LRFN2: variants seen among roughly 807,000 people sequenced by gnomAD.
The protein encoded by LRFN2 is leucine rich repeat and fibronectin type III domain containing 2, also known as leucine-rich repeat and fibronectin type-III domain-containing protein 2.
A neutral mutation model predicts 37.3 loss-of-function variants in LRFN2; 18 were observed. The observed-to-expected ratio is 0.48, with a 90% CI of 0.33 to 0.72. LRFN2 has a LOEUF of 0.72. Ranked by LOEUF, LRFN2 falls within the 30% of genes least tolerant of loss-of-function variation. The pLI, the probability that LRFN2 is intolerant of heterozygous loss-of-function variation, is 0.02. For missense variants in LRFN2, 1,006 were observed against 1,060.7 expected, an observed-to-expected ratio of 0.95 and a Z score of 0.72; for synonymous variants, 556 against 466.6, an observed-to-expected ratio of 1.19 and a Z score of -2.47.
chr6:40,467,991 G>A (rs1486677743), intron 1 of LRFN2, among the ~76,000 whole-genome samples: 1 of 152,048 alleles, frequency 6.6e-6, no homozygotes, highest in Non-Finnish European at 1.5e-5. Flanking sequence ...TATCTGACAG[G>A]ACATACTCAT....
intron 2 of LRFN2, among the ~76,000 whole-genome samples, chr6:40,395,471 C>T (rs564966263): frequency 7.9e-5 from 12 of 152,326 alleles, no homozygotes; most frequent in African/African-American, 2.2e-4. Context: ...GGATGCCAGC[C>T]TGCTAGGCCA....
At position 40,399,409 on chromosome 6, in the gene LRFN2, CTCTT is replaced by C. The variant is rs1256175044; in HGVS notation, c.1401-6501_1401-6498del. Among the ~76,000 whole-genome samples the C allele has an allele frequency of 3.4e-5, 5 of 148,724 alleles. 1 individual carries two copies. Among genetic ancestry groups the C allele is most frequent in the Non-Finnish European group, 6.0e-5 (4 of 67,018 alleles). On this transcript the variant is annotated intron_variant, in intron 2 of 2. Coordinates refer to ENST00000338305, the MANE Select transcript of LRFN2 (RefSeq NM_020737.3). ...TGAAATCCAAACCCTGTACTGAATT[CTCTT>C]TCTTTTTCTTTTCTTTTTTTTTTTC... is the stretch of plus-strand genomic sequence containing the variant.
chr6:40,515,735 TA>T (rs1228173894), intron 1 of LRFN2, among the ~76,000 whole-genome samples: 1 of 151,118 alleles, frequency 6.6e-6, no homozygotes, highest in East Asian at 1.9e-4. Flanking sequence ...CTAAAAAATA[TA>T]AAAAAAATTA....
chr6:40,562,061 A>T (rs1202311888), intron 1 of LRFN2, among the ~76,000 whole-genome samples: 1 of 152,240 alleles, frequency 6.6e-6, no homozygotes, highest in Non-Finnish European at 1.5e-5. Context: ...AGAGCATAGA[A>T]TCTGTTCTCT....
intron 1 of LRFN2, among the ~76,000 whole-genome samples, chr6:40,454,549 C>G (rs1476616961): frequency 2.0e-5 from 3 of 151,978 alleles, no homozygotes; most frequent in African/African-American, 7.3e-5. Flanking sequence ...GGTCATTGTA[C>G]CCTCAAATCA....
chr6:40,543,621 T>A (rs1766597218), intron 1 of LRFN2, among the ~76,000 whole-genome samples: 1 of 152,234 alleles, frequency 6.6e-6, no homozygotes, highest in African/African-American at 2.4e-5. Flanking sequence ...GAAGCCTAGC[T>A]AGAATGTGGC....
intron 1 of LRFN2, among the ~76,000 whole-genome samples, chr6:40,447,796 G>T (rs62395891): frequency 0.33 from 50,820 of 151,848 alleles, 8,845 homozygotes; most frequent in South Asian, 0.41. Context: ...TACCTAGTAG[G>T]TGGTCCACCT....
intron 1 of LRFN2, among the ~76,000 whole-genome samples, chr6:40,435,093 A>C (rs1255122436): frequency 8.1e-6 from 1 of 123,914 alleles, no homozygotes; most frequent in Non-Finnish European, 1.8e-5. Flanking sequence ...AGAGAGAGAC[A>C]GAGAGATAAT....
intron 1 of LRFN2, among the ~76,000 whole-genome samples, chr6:40,586,485 T>C (rs546344397): frequency 6.6e-6 from 1 of 152,226 alleles, no homozygotes; most frequent in East Asian, 1.9e-4. Context: ...GCACTTGGCT[T>C]TACCCCACCC....
rs754528976 is a variant in LRFN2 at position 40,392,415 on chromosome 6, G to A, written c.1898C>T (p.Ala633Val). ...SSSSLGSGEA[A>V]GLGRAPWRIP... ...CCTCCAGGGGGCCCGTCCCAGCCCC[G>A]CAGCCTCCCCACTGCCCAGGGAGCT... is the stretch of plus-strand genomic sequence containing the variant. Residue 633 changes from alanine to valine, a missense_variant, in exon 3 of 3, where the codon GCG (alanine) becomes GTG (valine). Ala to Val is a moderately conservative substitution (Grantham distance 64). Transcript: ENST00000338305. This position sits in a 1 kb window ranked among gnomAD's most constrained non-coding sequence, Gnocchi z 4.7. 3.8e-6 allele frequency: 6 copies of A among 1,568,268 alleles called. No homozygotes were observed. The highest frequency in any genetic ancestry group is 1.9e-5 in the Admixed American group (1 of 53,458).
chr6:40,406,227 G>A lies in LRFN2; in HGVS notation c.1401-13315C>T, dbSNP rs190754189. Among the ~76,000 whole-genome samples the A allele has an allele frequency of 3.1e-4, 47 of 152,318 alleles. 1 individual carries two copies. The highest frequency in any genetic ancestry group is 2.6e-3 in the Admixed American group (40 of 15,308). ...GGGTTGCTACGAGGATGAAATGAGC[G>A]AATCTCTGTGATTTGAACAGTGCCT... On this transcript the variant is annotated intron_variant, in intron 2 of 2. Transcript: ENST00000338305.
At chr6:40,460,735 T>C (rs976443972) in intron 1 of LRFN2, among the ~76,000 whole-genome samples, 1 of 152,168 alleles carries the variant, frequency 6.6e-6, no homozygotes, top group African/African-American at 2.4e-5. Flanking sequence ...GCCCCCTCCA[T>C]AGCCCCTGGG....
At chr6:40,480,778 A>G (rs1164167846) in intron 1 of LRFN2, among the ~76,000 whole-genome samples, 1 of 152,176 alleles carries the variant, frequency 6.6e-6, no homozygotes, top group African/African-American at 2.4e-5. Context: ...ACTTATCAAT[A>G]TTACATGTCA....
chr6:40,421,666 A>G (rs1401296565), intron 2 of LRFN2, among the ~76,000 whole-genome samples: 1 of 152,132 alleles, frequency 6.6e-6, no homozygotes, highest in African/African-American at 2.4e-5. Context: ...AGTAATTCCA[A>G]AAGAGAGGAG....
chr6:40,468,181 G>T (rs532923010), intron 1 of LRFN2, among the ~76,000 whole-genome samples: 1 of 152,036 alleles, frequency 6.6e-6, no homozygotes, highest in Non-Finnish European at 1.5e-5. Context: ...TGAACTCCAG[G>T]AATTCCCAGG....
chr6:40,559,065 G>T (rs1766943554), intron 1 of LRFN2, among the ~76,000 whole-genome samples: 1 of 152,074 alleles, frequency 6.6e-6, no homozygotes, highest in Non-Finnish European at 1.5e-5. Flanking sequence ...GAGGGGGCAT[G>T]GGGAAGAGCA....
chr6:40,395,853 G>GT (rs1762604140), intron 2 of LRFN2, among the ~76,000 whole-genome samples: 1 of 152,166 alleles, frequency 6.6e-6, no homozygotes, highest in South Asian at 2.1e-4. Flanking sequence ...CCACCATTTT[G>GT]TTGGGCCACA....
intron 1 of LRFN2, among the ~76,000 whole-genome samples, chr6:40,472,872 T>C (rs1426651216): frequency 1.3e-5 from 2 of 152,162 alleles, no homozygotes; most frequent in Non-Finnish European, 2.9e-5. Context: ...TGTTTCTCCT[T>C]GGCTTGGAAC....
At chr6:40,550,818 T>C (rs1766762881) in intron 1 of LRFN2, among the ~76,000 whole-genome samples, 1 of 152,176 alleles carries the variant, frequency 6.6e-6, no homozygotes, top group Non-Finnish European at 1.5e-5. Flanking sequence ...GGACTCACAG[T>C]GTTGAGAGAT....
Sources: allele counts gnomAD v4.1 joint callset (sites outside exome capture counted in the v4.1 genomes callset), GRCh38; gene constraint gnomAD v4.1.1; non-coding constraint Gnocchi (gnomAD v3.1); transcripts MANE v1.5; gene names NCBI Gene and HGNC (gene_info 2026-07-23, HGNC 2026-07-21).